The following UHRF1 variants were observed in gnomAD, a reference collection of about 807,000 sequenced individuals.
UHRF1 encodes the protein ubiquitin like with PHD and ring finger domains 1.
UHRF1 carries 9 observed loss-of-function variants against 96.5 expected under a neutral mutation model. The ratio of observed to expected loss-of-function variants is 0.09; its 90% CI spans 0.06 to 0.16. UHRF1 has a LOEUF of 0.16. Among genes scored for constraint, UHRF1 ranks in the 10% least tolerant of loss-of-function variants. UHRF1 has a pLI of 1.00. For missense variants in UHRF1, 626 were observed against 1,131.1 expected, an observed-to-expected ratio of 0.55 and a Z score of 6.40; for synonymous variants, 455 against 469.9, an observed-to-expected ratio of 0.97 and a Z score of 0.41.
Position 4,929,306 on chromosome 19 carries a change from C to T in UHRF1, c.238C>T (p.Pro80Ser), listed in dbSNP as rs773109173. The T allele has an allele frequency of 6.8e-6, 11 of 1,613,852 alleles. No individual in the cohort carries two copies. The highest frequency in any genetic ancestry group is 8.5e-6 in the Non-Finnish European group (10 of 1,179,892). The stretch of plus-strand genomic sequence containing the variant: ...CCTGGTCCGCCAGAGCCTCGTGCTC[C>T]CCCACAGCACCAAGGAGCGGGACTC... Reference protein sequence around the residue: ...QLLVRQSLVLPHSTKERDSEL... With the variant: ...QLLVRQSLVLSHSTKERDSEL... The change falls in exon 3 of 17, where the codon CCC (proline) becomes TCC (serine). Residue 80 changes from proline to serine, a missense_variant. By Grantham distance (74) the Pro-to-Ser change is moderately conservative (BLOSUM62 -1). Coordinates refer to ENST00000650932, the MANE Select transcript of UHRF1 (RefSeq NM_001048201.3).
chr19:4,940,458 C>T (rs902631611), intron 5 of UHRF1, among the ~76,000 whole-genome samples: 4 of 144,278 alleles, frequency 2.8e-5, no homozygotes, highest in Non-Finnish European at 4.5e-5. Flanking sequence ...CCTCCATTTC[C>T]CAGGTTCAAG....
At chr19:4,945,564 C>T (rs1302141120) in intron 9 of UHRF1, among the ~76,000 whole-genome samples, 1 of 152,034 alleles carries the variant, frequency 6.6e-6, no homozygotes, top group East Asian at 1.9e-4. Context: ...TGGCCGTCAC[C>T]CCCCATTTTC....
intron 7 of UHRF1, among the ~76,000 whole-genome samples, chr19:4,942,482 G>T (rs1172751104): frequency 6.6e-6 from 1 of 151,730 alleles, no homozygotes; most frequent in Admixed American, 6.6e-5. Context: ...GAGCCACCTC[G>T]CCCAGCCTTG....
intron 1 of UHRF1, chr19:4,909,901 C>T (rs1017855104): frequency 1.6e-5 from 6 of 370,136 alleles, no homozygotes; most frequent in Non-Finnish European, 2.4e-5. Context: ...TGGGGGAGGG[C>T]CTGGCGAGCC....
chr19:4,941,344 TA>T (rs1376917741), intron 5 of UHRF1, among the ~76,000 whole-genome samples, 183 bp from the exon 6 acceptor site: 2 of 152,068 alleles, frequency 1.3e-5, no homozygotes, highest in Non-Finnish European at 2.9e-5. Flanking sequence ...GTGTTGGTAT[TA>T]CAGGCGTGAG....
exon 1 of UHRF1, chr19:4,903,417 A>G (rs901041682): frequency 6.5e-6 from 1 of 153,428 alleles, no homozygotes; most frequent in Admixed American, 6.4e-5. Flanking sequence ...GGTTCAAGCA[A>G]TTCTCCTGCT....
At chr19:4,953,179 C>T (rs910537168) in intron 13 of UHRF1, among the ~76,000 whole-genome samples, 11 of 152,242 alleles carry the variant, frequency 7.2e-5, no homozygotes, top group African/African-American at 2.6e-4. Flanking sequence ...TGAAGCTTTG[C>T]GATTAGACAG....
At chr19:4,921,607 CT>C (rs1407531022) in intron 2 of UHRF1, among the ~76,000 whole-genome samples, 7 of 152,042 alleles carry the variant, frequency 4.6e-5, no homozygotes, top group Admixed American at 1.3e-4. Flanking sequence ...ATACAAAAAA[CT>C]TTCTGGACGT....
chr19:4,944,645 G>A (rs1029833634), intron 9 of UHRF1, among the ~76,000 whole-genome samples, 195 bp downstream of exon 9: 10 of 152,174 alleles, frequency 6.6e-5, no homozygotes, highest in African/African-American at 2.4e-4. Context: ...TGAATCCTTG[G>A]GGGTGGGGGC....
chr19:4,928,740 G>A (rs571174154), intron 2 of UHRF1, among the ~76,000 whole-genome samples: 42 of 152,294 alleles, frequency 2.8e-4, no homozygotes, highest in South Asian at 1.4e-3. Flanking sequence ...GCCGAGCAGC[G>A]TTCCTGGCCT....
chr19:4,945,778 G>A lies in UHRF1; in HGVS notation c.1306-83G>A, dbSNP rs771832175. 8.9e-5 allele frequency: 106 copies of A among 1,195,322 alleles called. 1 individual carries two copies. In the Middle Eastern group the frequency reaches 1.6e-3, roughly 19 times the overall value. The allele number at this position is 1,195,322 out of a possible 1,614,324, so 74.0% of individuals were successfully genotyped here. On this transcript the variant is annotated intron_variant, in intron 9 of 16. Transcript: ENST00000650932. ...GTAAAAGTGAGGCCGCTGGCTGCTC[G>A]GGGTAGGGAGGAGGAGGGCGGTGGA... is the stretch of plus-strand genomic sequence containing the variant.
At chr19:4,960,213 C>T (rs964143448) in intron 16 of UHRF1, among the ~76,000 whole-genome samples, 1 of 152,202 alleles carries the variant, frequency 6.6e-6, no homozygotes, top group Admixed American at 6.5e-5. Context: ...AGAGAGAACA[C>T]AGCCTCAAAG....
At chr19:4,920,961 T>C (rs918050053) in intron 2 of UHRF1, among the ~76,000 whole-genome samples, 7 of 150,024 alleles carry the variant, frequency 4.7e-5, no homozygotes, top group Admixed American at 4.0e-4. Context: ...CTGTCTCTAC[T>C]AAAAATACAA....
chr19:4,924,290 C>T (rs2032798340), intron 2 of UHRF1, among the ~76,000 whole-genome samples: 1 of 152,200 alleles, frequency 6.6e-6, no homozygotes, highest in African/African-American at 2.4e-5. Flanking sequence ...GCTGGGACTA[C>T]AGGTGCCCGC....
chr19:4,961,828 G>C lies in UHRF1; in HGVS notation c.*1025G>C, dbSNP rs533892124. 1 of 150,032 alleles carries C rather than the reference G, an allele frequency of 6.7e-6. No individual in the cohort carries two copies. Among genetic ancestry groups the C allele is most frequent in the South Asian group, 2.1e-4 (1 of 4,698 alleles). The allele number at this position is 150,032 out of a possible 1,614,324, so 9.3% of individuals were successfully genotyped here. A position where few individuals can be genotyped will look rare whatever the true frequency, so the allele number is the denominator to read the frequency against. On this transcript the variant is annotated 3_prime_UTR_variant, in exon 17 of 17. Coordinates refer to ENST00000650932, the MANE Select transcript of UHRF1 (RefSeq NM_001048201.3). ...CACATTTTCTAAATGAATTTTTTTT[G>C]TAGTTACTGTATATGTACCAAGAAA...
chr19:4,918,715 G>GTTT (rs536401524), intron 2 of UHRF1, among the ~76,000 whole-genome samples: 66 of 115,310 alleles, frequency 5.7e-4, no homozygotes, highest in African/African-American at 6.1e-4. Flanking sequence ...TGCCCAGCTG[G>GTTT]TTTTTTTTTT....
intron 2 of UHRF1, among the ~76,000 whole-genome samples, chr19:4,927,052 T>C (rs1472663921): frequency 6.9e-6 from 1 of 145,906 alleles, no homozygotes; most frequent in African/African-American, 2.6e-5. Context: ...CAGAGCAAGA[T>C]TCCGCCTCAA....
At chr19:4,945,698 G>A (rs1251686957) in intron 9 of UHRF1, among the ~76,000 whole-genome samples, 163 bp from the exon 10 acceptor site, 2 of 149,208 alleles carry the variant, frequency 1.3e-5, no homozygotes, top group African/African-American at 2.5e-5. Context: ...AACTCCGGCC[G>A]TCTCTAGCCG....
At chr19:4,904,685 A>C (rs2032029084), upstream of UHRF1, among the ~76,000 whole-genome samples, 1 of 152,228 alleles carries the variant, frequency 6.6e-6, no homozygotes, top group Non-Finnish European at 1.5e-5. Flanking sequence ...ACCTTGTCTA[A>C]GTGAACTTTG....
Sources: allele counts gnomAD v4.1 joint callset (sites outside exome capture counted in the v4.1 genomes callset), GRCh38; gene constraint gnomAD v4.1.1; transcripts MANE v1.5; gene names NCBI Gene and HGNC (gene_info 2026-07-23, HGNC 2026-07-21).